Variants in LRRC37A2 observed in about 807,000 individuals in gnomAD.
The protein encoded by LRRC37A2 is leucine rich repeat containing 37 member A2, also known as leucine-rich repeat-containing protein 37A2.
Under a neutral mutation model 68.8 loss-of-function variants are expected in LRRC37A2, and 9 were observed. That is an observed-to-expected ratio of 0.13 (90% CI 0.08 to 0.23). The LOEUF (loss-of-function observed/expected upper bound fraction) is 0.23. Ranked by LOEUF, LRRC37A2 falls within the 10% of genes least tolerant of loss-of-function variation. LRRC37A2 has a pLI of 1.00. For missense variants in LRRC37A2, 168 were observed against 950.4 expected (o/e 0.18, Z 10.82); for synonymous variants, 63 against 367.6 (o/e 0.17, Z 9.48).
At chr17:46,820,822 T>C in the LRRC37A2 span, among the ~76,000 whole-genome samples, 2 of 152,076 alleles carry the variant, frequency 1.3e-5, no homozygotes, top group Non-Finnish European at 2.9e-5. Flanking sequence ...GCCCAAGGGC[T>C]CGGGAGTTCC....
At chr17:46,418,242 C>T in the LRRC37A2 span, among the ~76,000 whole-genome samples, 12 of 66,150 alleles carry the variant, frequency 1.8e-4, 2 homozygotes, top group Admixed American at 3.3e-4. Flanking sequence ...TGTGCGCGCG[C>T]GCGTGTGTGA....
the LRRC37A2 span, among the ~76,000 whole-genome samples, chr17:46,882,476 C>T: frequency 3.3e-5 from 5 of 152,154 alleles, no homozygotes; most frequent in African/African-American, 7.2e-5. Context: ...GCTCTTGTTG[C>T]CCAGGCTGGA....
the LRRC37A2 span, among the ~76,000 whole-genome samples, chr17:46,745,296 A>G: frequency 0.15 from 22,623 of 152,282 alleles, 1,987 homozygotes; most frequent in Non-Finnish European, 0.2. Flanking sequence ...AATACACAAA[A>G]TGGCCCAGCA....
At chr17:47,016,285 T>C in the LRRC37A2 span, among the ~76,000 whole-genome samples, 121 of 151,556 alleles carry the variant, frequency 8.0e-4, 4 homozygotes, top group African/African-American at 2.8e-3. Flanking sequence ...CCTATGCCTA[T>C]GCCAGGCACT....
chr17:46,983,171 G>A, the LRRC37A2 span, among the ~76,000 whole-genome samples: 1 of 152,058 alleles, frequency 6.6e-6, no homozygotes, highest in Non-Finnish European at 1.5e-5. Flanking sequence ...TATGTGGTCT[G>A]GCCATTGTCT....
chr17:47,002,990 A>C, the LRRC37A2 span, among the ~76,000 whole-genome samples: 1 of 152,152 alleles, frequency 6.6e-6, no homozygotes, highest in Non-Finnish European at 1.5e-5. Flanking sequence ...GATGGTTCAC[A>C]ACTGTAATCC....
At chr17:46,755,442 A>C in the LRRC37A2 span, 1 of 1,241,582 alleles carries the variant, frequency 8.1e-7, no homozygotes, top group East Asian at 2.3e-5. Flanking sequence ...CTATTCTAAG[A>C]GTTGCTTTCC....
the LRRC37A2 span, among the ~76,000 whole-genome samples, chr17:46,870,889 C>T: frequency 7.1e-3 from 1,059 of 149,728 alleles, 4 homozygotes; most frequent in Middle Eastern, 0.018. Context: ...GAGACATTGC[C>T]TGCTTCCACC....
At chr17:46,796,620 C>G in the LRRC37A2 span, among the ~76,000 whole-genome samples, 14 of 152,312 alleles carry the variant, frequency 9.2e-5, no homozygotes, top group Middle Eastern at 6.8e-3. Context: ...GCAGGGGCTC[C>G]CAGCCTCATT....
chr17:46,922,842 A>G, the LRRC37A2 span: 2 of 372,050 alleles, frequency 5.4e-6, no homozygotes, highest in East Asian at 1.1e-4. Context: ...AGAACAGCAG[A>G]TGATAGCGGC....
the LRRC37A2 span, chr17:46,936,922 C>A: frequency 1.9e-6 from 1 of 532,090 alleles, no homozygotes; most frequent in Non-Finnish European, 2.4e-6. Flanking sequence ...ATGTTGATCT[C>A]ACTTTCCTTG....
At chr17:46,770,097 G>T in the LRRC37A2 span, 1 of 1,493,062 alleles carries the variant, frequency 6.7e-7, no homozygotes, top group East Asian at 2.5e-5. Flanking sequence ...GCCTGGGAGC[G>T]CCTGCCCTGC....
chr17:47,010,045 C>T, the LRRC37A2 span, among the ~76,000 whole-genome samples: 26 of 152,186 alleles, frequency 1.7e-4, no homozygotes, highest in Admixed American at 1.7e-3. Flanking sequence ...CTTTTGGCTG[C>T]AAGTGACAGA....
the LRRC37A2 span, among the ~76,000 whole-genome samples, chr17:46,948,179 C>T: frequency 6.6e-5 from 10 of 152,218 alleles, no homozygotes; most frequent in Non-Finnish European, 4.4e-5. Context: ...AGCAAGCCAC[C>T]TCACCTCTCC....
chr17:46,788,553 G>A, the LRRC37A2 span, among the ~76,000 whole-genome samples: 2 of 152,136 alleles, frequency 1.3e-5, no homozygotes, highest in South Asian at 2.1e-4. Flanking sequence ...CCCTTTTAAT[G>A]TCTCCAATTC....
chr17:46,773,630 ACCCAG>A, the LRRC37A2 span: 37 of 148,978 alleles, frequency 2.5e-4, no homozygotes, highest in South Asian at 5.3e-4. Flanking sequence ...CCCTCCCCCC[ACCCAG>A]CCCCTCCCCC....
chr17:46,977,051 A>T, the LRRC37A2 span, among the ~76,000 whole-genome samples: 1 of 152,152 alleles, frequency 6.6e-6, no homozygotes, highest in African/African-American at 2.4e-5. Context: ...GCACATCCTG[A>T]TCATGATAAT....
At chr17:46,874,024 A>G in the LRRC37A2 span, among the ~76,000 whole-genome samples, 1 of 150,784 alleles carries the variant, frequency 6.6e-6, no homozygotes, top group Admixed American at 6.6e-5. Context: ...GATGCTGTAC[A>G]GGGCAGCCAG....
At chr17:46,933,941 CAAAA>C in the LRRC37A2 span, among the ~76,000 whole-genome samples, 4 of 144,382 alleles carry the variant, frequency 2.8e-5, no homozygotes, top group Admixed American at 2.1e-4. Context: ...GAGCCTGTCT[CAAAA>C]AAAAAAAAAA....
Sources: gnomAD v4.1 joint callset for allele counts (sites outside exome capture counted in the v4.1 genomes callset) on GRCh38, gnomAD v4.1.1 for gene constraint, MANE v1.5 for transcripts, NCBI Gene and HGNC (gene_info 2026-07-23, HGNC 2026-07-21) for gene names.